Variants in PTPRD observed in about 807,000 individuals in gnomAD.
PTPRD encodes the protein protein tyrosine phosphatase receptor type D.
PTPRD carries 34 observed loss-of-function variants against 214.5 expected under a neutral mutation model. The ratio of observed to expected loss-of-function variants is 0.16; its 90% confidence interval spans 0.12 to 0.21. The LOEUF (loss-of-function observed/expected upper bound fraction) is 0.21, where lower values mean the gene tolerates loss of function less well. Among genes scored for constraint, PTPRD ranks in the 10% least tolerant of loss-of-function variants. The pLI, the probability that PTPRD is intolerant of heterozygous loss-of-function variation, is 1.00. For synonymous variants in PTPRD, 1,128 were observed against 845.7 expected (o/e 1.33, Z -5.79); for missense variants, 2,545 against 2,398.7 (o/e 1.06, Z -1.27).
intron 11 of PTPRD, among the ~76,000 whole-genome samples, chr9:9,017,651 T>A (rs2099541911): frequency 6.6e-6 from 1 of 152,194 alleles, no homozygotes; most frequent in African/African-American, 2.4e-5. Flanking sequence ...AAACATTTTC[T>A]TCATTTAAAC....
chr9:9,214,020 G>T (rs1176583455), intron 9 of PTPRD, among the ~76,000 whole-genome samples: 1 of 152,136 alleles, frequency 6.6e-6, no homozygotes, highest in Non-Finnish European at 1.5e-5. Flanking sequence ...TGGAACAACA[G>T]ATAAATGTAA....
At chr9:9,024,788 C>G (rs954331337) in intron 10 of PTPRD, among the ~76,000 whole-genome samples, 1 of 151,652 alleles carries the variant, frequency 6.6e-6, no homozygotes, top group African/African-American at 2.4e-5. Context: ...CTTGTAATAA[C>G]TTTTTATATA....
chr9:10,116,311 T>C (rs2098731016), intron 3 of PTPRD, among the ~76,000 whole-genome samples: 1 of 152,074 alleles, frequency 6.6e-6, no homozygotes, highest in African/African-American at 2.4e-5. Context: ...ACAATACTAA[T>C]ATAGACAAAT....
intron 5 of PTPRD, among the ~76,000 whole-genome samples, chr9:9,865,363 C>A (rs2063712170): frequency 6.6e-6 from 1 of 152,120 alleles, no homozygotes; most frequent in African/African-American, 2.4e-5. Context: ...AATCTATTCC[C>A]AGATTAATGG....
intron 12 of PTPRD, among the ~76,000 whole-genome samples, chr9:8,652,809 C>T (rs2096839246): frequency 6.6e-6 from 1 of 152,062 alleles, no homozygotes; most frequent in Non-Finnish European, 1.5e-5. Context: ...GTAACAGAAG[C>T]ATTTGGGAAT....
intron 5 of PTPRD, among the ~76,000 whole-genome samples, chr9:9,937,588 G>T (rs1303582782): frequency 6.6e-6 from 1 of 152,088 alleles, no homozygotes; most frequent in Non-Finnish European, 1.5e-5. Context: ...ACAAGATACA[G>T]AATTGCTATG....
intron 3 of PTPRD, among the ~76,000 whole-genome samples, chr9:10,039,415 C>A (rs1194050419): frequency 5.3e-5 from 8 of 151,822 alleles, no homozygotes; most frequent in Non-Finnish European, 1.2e-4. Context: ...TTTTCTCGAC[C>A]AAAATGTAAG....
At chr9:8,449,310 A>C (rs533885784) in intron 34 of PTPRD, among the ~76,000 whole-genome samples, 9 of 152,204 alleles carry the variant, frequency 5.9e-5, no homozygotes, top group African/African-American at 2.2e-4. Context: ...ACAAAAAGGA[A>C]AATATAGAAC....
At chr9:9,757,937 T>C (rs2098603856) in intron 6 of PTPRD, among the ~76,000 whole-genome samples, 1 of 152,068 alleles carries the variant, frequency 6.6e-6, no homozygotes, top group South Asian at 2.1e-4. Context: ...GGGGGGTTCC[T>C]AGAACCCCCG....
At chr9:9,052,594 G>C (rs982450523) in intron 10 of PTPRD, among the ~76,000 whole-genome samples, 1 of 152,198 alleles carries the variant, frequency 6.6e-6, no homozygotes, top group African/African-American at 2.4e-5. Flanking sequence ...AAGTCATACA[G>C]TTAAGAGAAA....
chr9:10,044,946 T>C (rs955481193), intron 3 of PTPRD, among the ~76,000 whole-genome samples: 1 of 151,704 alleles, frequency 6.6e-6, no homozygotes, highest in Non-Finnish European at 1.5e-5. Flanking sequence ...GAGAGTCAAC[T>C]AATAATTACA....
At chr9:10,312,885 T>C (rs2096306748) in intron 3 of PTPRD, among the ~76,000 whole-genome samples, 1 of 151,906 alleles carries the variant, frequency 6.6e-6, no homozygotes, top group Non-Finnish European at 1.5e-5. Context: ...TTTCTTGTCA[T>C]CTAGATTACT....
chr9:8,767,784 T>G (rs1422162152), intron 11 of PTPRD, among the ~76,000 whole-genome samples: 2 of 152,200 alleles, frequency 1.3e-5, no homozygotes, highest in African/African-American at 2.4e-5. Flanking sequence ...ATCTGTGTAT[T>G]TTTGAAACTT....
intron 31 of PTPRD, among the ~76,000 whole-genome samples, chr9:8,466,893 G>A (rs1219237045): frequency 1.3e-5 from 2 of 151,790 alleles, no homozygotes; most frequent in Non-Finnish European, 2.9e-5. Flanking sequence ...AGTAGAATGA[G>A]AGCCTGGCAT....
chr9:9,286,086 T>C (rs1032830579), intron 9 of PTPRD, among the ~76,000 whole-genome samples: 5 of 151,798 alleles, frequency 3.3e-5, no homozygotes, highest in African/African-American at 1.2e-4. Flanking sequence ...ATACATAAAT[T>C]TTCTGTGGTA....
chr9:8,389,159 C>T (rs1310820346), intron 37 of PTPRD, 73 bp downstream of exon 37: 1 of 1,337,542 alleles, frequency 7.5e-7, no homozygotes, highest in Non-Finnish European at 1.0e-6. Context: ...AGATTCTGAA[C>T]AGAATAAAAT....
intron 11 of PTPRD, among the ~76,000 whole-genome samples, chr9:8,795,754 G>A (rs537885926): frequency 5.9e-5 from 9 of 152,234 alleles, no homozygotes; most frequent in East Asian, 3.9e-4. Flanking sequence ...AAGTGGAAAC[G>A]CGTAAAATTC....
At chr9:8,435,700 T>TAC (rs3043782) in intron 35 of PTPRD, among the ~76,000 whole-genome samples, 40,294 of 148,690 alleles carry the variant, frequency 0.27, 5,463 homozygotes, top group African/African-American at 0.32. Context: ...AATATCCAAA[T>TAC]ACACACACAC....
chr9:9,092,057 C>A (rs1274851508), intron 10 of PTPRD, among the ~76,000 whole-genome samples: 1 of 152,184 alleles, frequency 6.6e-6, no homozygotes, highest in Non-Finnish European at 1.5e-5. Context: ...AAGATTCACT[C>A]TTAAACTTTC....
Sources: gnomAD v4.1 joint callset for allele counts (sites outside exome capture counted in the v4.1 genomes callset) on GRCh38, gnomAD v4.1.1 for gene constraint, MANE v1.5 for transcripts, NCBI Gene and HGNC (gene_info 2026-07-23, HGNC 2026-07-21) for gene names.